Variants in AK8 observed in about 807,000 individuals in gnomAD.
AK8 encodes the protein adenylate kinase 8.
AK8 carries 44 observed loss-of-function variants against 54.6 expected under a neutral mutation model. The observed-to-expected ratio is 0.81, with a 90% CI of 0.63 to 1.04. AK8 has a LOEUF of 1.04. Among genes scored for constraint, AK8 ranks in the 50% least tolerant of loss-of-function variants. The probability of loss-of-function intolerance (pLI) is 0.00; values close to 1 mark genes in which losing one functional copy is unlikely to be tolerated. For synonymous variants in AK8, 239 were observed against 245.6 expected, an observed-to-expected ratio of 0.97 and a Z score of 0.25; for missense variants, 555 against 613.6, an observed-to-expected ratio of 0.90 and a Z score of 1.01.
chr9:132,749,490 C>T (rs1837804165), intron 11 of AK8, among the ~76,000 whole-genome samples: 1 of 151,906 alleles, frequency 6.6e-6, no homozygotes, highest in East Asian at 1.9e-4. Flanking sequence ...CACAGGATAC[C>T]TCTCACTGCG....
intron 9 of AK8, among the ~76,000 whole-genome samples, chr9:132,818,050 C>T (rs1172824006): frequency 1.3e-5 from 2 of 152,178 alleles, no homozygotes; most frequent in Admixed American, 6.5e-5. Flanking sequence ...AGCCGGAAGA[C>T]AATAGAATGA....
chr9:132,787,854 T>C (rs573016452), intron 11 of AK8, among the ~76,000 whole-genome samples: 30 of 152,242 alleles, frequency 2.0e-4, no homozygotes, highest in Middle Eastern at 6.8e-3. Flanking sequence ...AGGTTATGCT[T>C]TGTCAAATCA....
chr9:132,825,301 A>C (rs1024492643), intron 8 of AK8, among the ~76,000 whole-genome samples: 3 of 152,218 alleles, frequency 2.0e-5, no homozygotes, highest in African/African-American at 4.8e-5. Flanking sequence ...TTTTCAATTT[A>C]TCTCTCTGCA....
At chr9:132,816,772 T>C (rs1841348654) in intron 9 of AK8, among the ~76,000 whole-genome samples, 1 of 152,224 alleles carries the variant, frequency 6.6e-6, no homozygotes, top group African/African-American at 2.4e-5. Context: ...ATAGTCATCC[T>C]GGATTTCTAC....
At chr9:132,746,521 A>G (rs1354107885) in intron 11 of AK8, among the ~76,000 whole-genome samples, 1 of 152,232 alleles carries the variant, frequency 6.6e-6, no homozygotes, top group African/African-American at 2.4e-5. Flanking sequence ...ATCGAGGCTG[A>G]TATGTGATAA....
chr9:132,746,395 T>C (rs1209580561), intron 11 of AK8, among the ~76,000 whole-genome samples: 1 of 152,216 alleles, frequency 6.6e-6, no homozygotes, highest in Non-Finnish European at 1.5e-5. Context: ...TCAAGGCTCA[T>C]ACCCTTCTGC....
intron 11 of AK8, among the ~76,000 whole-genome samples, chr9:132,785,491 A>G (rs1443844596): frequency 2.0e-5 from 3 of 152,248 alleles, no homozygotes; most frequent in Non-Finnish European, 4.4e-5. Flanking sequence ...CGTGTTGAAG[A>G]GACTATTAGA....
intron 5 of AK8, among the ~76,000 whole-genome samples, chr9:132,842,325 G>GTTCATTCATTCA (rs367839334): frequency 1.2e-4 from 19 of 152,114 alleles, no homozygotes; most frequent in African/African-American, 4.6e-4. Flanking sequence ...TTATTGACTG[G>GTTCATTCATTCA]TTCATTCATT....
At chr9:132,814,071 A>T (rs1186342685) in intron 10 of AK8, among the ~76,000 whole-genome samples, 1 of 152,044 alleles carries the variant, frequency 6.6e-6, no homozygotes, top group African/African-American at 2.4e-5. Context: ...TGAGCCCAGG[A>T]GTTCAAGATC....
At chr9:132,861,808 G>A (rs1289376324) in intron 4 of AK8, among the ~76,000 whole-genome samples, 4 of 152,200 alleles carry the variant, frequency 2.6e-5, no homozygotes, top group South Asian at 4.1e-4. Flanking sequence ...ACAAGGCCAC[G>A]CATGGCCGAG....
intron 11 of AK8, among the ~76,000 whole-genome samples, chr9:132,742,465 C>A (rs1479665864): frequency 6.6e-6 from 1 of 152,230 alleles, no homozygotes; most frequent in East Asian, 1.9e-4. Flanking sequence ...AGCCACGGTG[C>A]TAGCCAACCA....
intron 5 of AK8, among the ~76,000 whole-genome samples, chr9:132,832,633 G>C (rs954959109): frequency 6.6e-6 from 1 of 152,180 alleles, no homozygotes; most frequent in Non-Finnish European, 1.5e-5. Flanking sequence ...CACTGAAAAA[G>C]GCCTCTGCTT....
chr9:132,730,639 C>T (rs448540), intron 11 of AK8, among the ~76,000 whole-genome samples: 124,789 of 151,598 alleles, frequency 0.82, 51,512 homozygotes, highest in Admixed American at 0.88. Flanking sequence ...TGGAGGGAGC[C>T]CAGTGTGGCC....
At chr9:132,845,862 T>C (rs1036917480) in intron 5 of AK8, among the ~76,000 whole-genome samples, 5 of 151,040 alleles carry the variant, frequency 3.3e-5, no homozygotes, top group African/African-American at 1.2e-4. Context: ...AGAATCACCA[T>C]ATTTTCCCCA....
chr9:132,852,769 CAAAAAAAAAAAAAA>C (rs35786801), intron 5 of AK8, among the ~76,000 whole-genome samples: 1 of 16,424 alleles, frequency 6.1e-5, no homozygotes, highest in South Asian at 3.0e-3. Flanking sequence ...GATTAGGTCT[CAAAAAAAAAAAAAA>C]AAAAAAAAAA....
intron 11 of AK8, among the ~76,000 whole-genome samples, chr9:132,758,655 C>T (rs1431703302): frequency 1.3e-5 from 2 of 151,064 alleles, no homozygotes; most frequent in East Asian, 2.0e-4. Context: ...GATGGTTTTT[C>T]GCCATGTTGC....
chr9:132,815,706 G>A (rs1335716883), intron 9 of AK8, among the ~76,000 whole-genome samples: 3 of 152,262 alleles, frequency 2.0e-5, no homozygotes, highest in Non-Finnish European at 4.4e-5. Context: ...CCGGCACAAA[G>A]GAGGTGCTGG....
intron 11 of AK8, among the ~76,000 whole-genome samples, chr9:132,742,593 G>A (rs1837447185): frequency 6.6e-6 from 1 of 152,220 alleles, no homozygotes; most frequent in African/African-American, 2.4e-5. Flanking sequence ...AGCCCTCTGA[G>A]GGGCTGTGCC....
intron 11 of AK8, among the ~76,000 whole-genome samples, chr9:132,775,755 C>T (rs1390643819): frequency 6.6e-6 from 1 of 152,190 alleles, no homozygotes; most frequent in Non-Finnish European, 1.5e-5. Flanking sequence ...AGCTTCTTCC[C>T]ACCTACCCCA....
Sources: gnomAD v4.1 joint callset for allele counts (sites outside exome capture counted in the v4.1 genomes callset) on GRCh38, gnomAD v4.1.1 for gene constraint, MANE v1.5 for transcripts, NCBI Gene and HGNC (gene_info 2026-07-23, HGNC 2026-07-21) for gene names.